PIK3C2G: variants seen among roughly 807,000 people sequenced by gnomAD.
PIK3C2G encodes the protein phosphatidylinositol 3-kinase C2 domain-containing subunit gamma.
PIK3C2G carries 168 observed loss-of-function variants against 181.1 expected under a neutral mutation model. The ratio of observed to expected loss-of-function variants is 0.93; its 90% CI spans 0.82 to 1.05. The LOEUF (loss-of-function observed/expected upper bound fraction) is 1.05. PIK3C2G is among the 50% of genes least tolerant of loss of function. PIK3C2G has a pLI of 0.00. For missense variants in PIK3C2G, 1,869 were observed against 1,732.8 expected (o/e 1.08, Z -1.40); for synonymous variants, 573 against 592.2 (o/e 0.97, Z 0.47).
intron 5 of PIK3C2G, among the ~76,000 whole-genome samples, chr12:18,296,416 C>T (rs1226596787): frequency 6.6e-6 from 1 of 151,924 alleles, no homozygotes. Flanking sequence ...GGTCTACAGC[C>T]CACATTTCAA....
chr12:18,350,708 A>T (rs1356896939), intron 11 of PIK3C2G, among the ~76,000 whole-genome samples: 1 of 152,198 alleles, frequency 6.6e-6, no homozygotes. Flanking sequence ...ATACTGATGC[A>T]TATACCAACC....
At chr12:18,694,008 G>A in the PIK3C2G span, 1 of 1,482,576 alleles carries the variant, frequency 6.7e-7, no homozygotes, top group Non-Finnish European at 9.4e-7. Context: ...AGAGAACGTA[G>A]AATGAAAGTA....
At chr12:18,306,775 C>G (rs1355425821) in intron 5 of PIK3C2G, among the ~76,000 whole-genome samples, 1 of 151,866 alleles carries the variant, frequency 6.6e-6, no homozygotes, top group Non-Finnish European at 1.5e-5. Context: ...GATTTTAAGT[C>G]CAGCTTAGTT....
At chr12:18,559,821 T>C (rs7953416) in intron 26 of PIK3C2G, among the ~76,000 whole-genome samples, 1 of 18,362 alleles carries the variant, frequency 5.4e-5, no homozygotes, top group Non-Finnish European at 9.6e-5. Flanking sequence ...TATATATATA[T>C]AGAGAGAGAG....
At chr12:18,611,363 A>G (rs898261127) in intron 31 of PIK3C2G, among the ~76,000 whole-genome samples, 5 of 152,152 alleles carry the variant, frequency 3.3e-5, no homozygotes, top group African/African-American at 1.2e-4. Flanking sequence ...CTGCCTTCTC[A>G]GTTTACTTGC....
At chr12:18,275,998 C>G (rs553649562) in intron 1 of PIK3C2G, among the ~76,000 whole-genome samples, 18 of 152,248 alleles carry the variant, frequency 1.2e-4, no homozygotes, top group African/African-American at 4.1e-4. Context: ...TAAAAGAACA[C>G]TCAGTAAAAC....
At chr12:18,458,069 A>T (rs1328617783) in intron 18 of PIK3C2G, among the ~76,000 whole-genome samples, 1 of 152,168 alleles carries the variant, frequency 6.6e-6, no homozygotes, top group Non-Finnish European at 1.5e-5. Context: ...AAACTTCTTA[A>T]GTTTTATGGA....
chr12:18,678,044 G>T, the PIK3C2G span, among the ~76,000 whole-genome samples: 1 of 152,030 alleles, frequency 6.6e-6, no homozygotes. Context: ...TGACATTGTG[G>T]ATATGTGGAT....
At position 18,569,079 on chromosome 12, in the gene PIK3C2G, TG is replaced by T. The variant is rs199960678; in HGVS notation, c.4011+2023del. 5.9e-3 allele frequency among the ~76,000 whole-genome samples: 898 copies of T among 152,246 alleles called. 5 individuals carry two copies. Among genetic ancestry groups the T allele is most frequent in the African/African-American group, 0.021 (852 of 41,558 alleles). On this transcript the variant is annotated intron_variant, in intron 29 of 32. Coordinates refer to ENST00000538779, the MANE Select transcript of PIK3C2G (RefSeq NM_001288772.2). ...AACCTCTTGATCCCAAGAGGGCTTC[TG>T]TCATTTGCTCATCAAATAGAATATG...
intron 11 of PIK3C2G, among the ~76,000 whole-genome samples, chr12:18,353,550 C>T (rs1298565286): frequency 6.6e-6 from 1 of 152,126 alleles, no homozygotes; most frequent in Non-Finnish European, 1.5e-5. Context: ...ACAGGTGCAC[C>T]TTGAGAATTC....
At chr12:18,722,885 T>C in the PIK3C2G span, among the ~76,000 whole-genome samples, 1 of 152,020 alleles carries the variant, frequency 6.6e-6, no homozygotes, top group African/African-American at 2.4e-5. Context: ...TTTTTTTTCA[T>C]TTAGCACATT....
intron 24 of PIK3C2G, among the ~76,000 whole-genome samples, chr12:18,511,185 T>G (rs1942183754): frequency 6.6e-6 from 1 of 152,166 alleles, no homozygotes. Flanking sequence ...TAAATAGTAT[T>G]TCATTGTGTG....
intron 5 of PIK3C2G, among the ~76,000 whole-genome samples, chr12:18,297,708 C>T (rs559791014): frequency 6.6e-6 from 1 of 152,104 alleles, no homozygotes; most frequent in East Asian, 1.9e-4. Context: ...CCTTCCCAGG[C>T]TCTTATAACT....
downstream of PIK3C2G, among the ~76,000 whole-genome samples, chr12:18,648,985 T>A (rs1950304786): frequency 6.6e-6 from 1 of 152,122 alleles, no homozygotes; most frequent in East Asian, 1.9e-4. Flanking sequence ...CTCCTCTATA[T>A]CATATGAGCA....
chr12:18,337,628 G>A (rs1043029789), intron 8 of PIK3C2G, among the ~76,000 whole-genome samples: 1 of 152,050 alleles, frequency 6.6e-6, no homozygotes, highest in Non-Finnish European at 1.5e-5. Context: ...TGGAGCAGAG[G>A]GAGGCGGGAT....
chr12:18,546,976 A>G lies in PIK3C2G; in HGVS notation c.3590+544A>G, dbSNP rs77916811. 2.0e-3 allele frequency among the ~76,000 whole-genome samples: 310 copies of G among 152,106 alleles called. 5 individuals carry two copies. In the East Asian group the frequency reaches 0.049, roughly 24 times the overall value. ...TCTGGTCAAAAGGACAGTACATTTT[A>G]TAAGATCTTTTTGAATTTTTCTTTT... On this transcript the variant is annotated intron_variant, in intron 26 of 32. Transcript: ENST00000538779.
chr12:18,721,639 C>G, the PIK3C2G span, among the ~76,000 whole-genome samples: 4 of 151,570 alleles, frequency 2.6e-5, no homozygotes, highest in African/African-American at 9.7e-5. Context: ...CTGGTTGTTT[C>G]CAGTTGGCAA....
the PIK3C2G span, chr12:18,693,848 G>A: frequency 6.5e-7 from 1 of 1,531,718 alleles, no homozygotes; most frequent in Non-Finnish European, 9.0e-7. Context: ...CCTGCCTGAT[G>A]AAAAGACGAA....
chr12:18,373,714 G>C lies in PIK3C2G; in HGVS notation c.1880+2403G>C, dbSNP rs918926389. On this transcript the variant is annotated intron_variant, in intron 13 of 32. Coordinates refer to ENST00000538779, the MANE Select transcript of PIK3C2G (RefSeq NM_001288772.2). ...AAAATACAAAAAAAATTAGCCGGCCGTGGTGGCAGGTGCCTGTAGTCCCAG... is the reference window on the plus strand; with the variant it reads ...AAAATACAAAAAAAATTAGCCGGCCCTGGTGGCAGGTGCCTGTAGTCCCAG... 2.6e-5 allele frequency among the ~76,000 whole-genome samples: 4 copies of C among 152,032 alleles called. No homozygotes were observed. In the East Asian group the frequency reaches 5.8e-4, roughly 22 times the overall value.
Sources: allele counts gnomAD v4.1 joint callset (sites outside exome capture counted in the v4.1 genomes callset), GRCh38; gene constraint gnomAD v4.1.1; transcripts MANE v1.5; gene names NCBI Gene and HGNC (gene_info 2026-07-23, HGNC 2026-07-21).